Variants in LDLRAD4 observed in about 807,000 individuals in gnomAD.
LDLRAD4 encodes the protein low-density lipoprotein receptor class A domain-containing protein 4.
In LDLRAD4, 5 loss-of-function variants were observed where a neutral mutation model predicts 17.0. The ratio of observed to expected loss-of-function variants is 0.29; its 90% CI spans 0.15 to 0.62. LDLRAD4 has a LOEUF of 0.62. Ranked by LOEUF, LDLRAD4 falls within the 20% of genes least tolerant of loss-of-function variation. The pLI is 0.84. For missense variants in LDLRAD4, 340 were observed against 424.7 expected (o/e 0.80, Z 1.75); for synonymous variants, 168 against 171.8 (o/e 0.98, Z 0.17).
intron 1 of LDLRAD4, among the ~76,000 whole-genome samples, chr18:13,293,501 C>T (rs879677650): frequency 6.6e-6 from 1 of 152,178 alleles, no homozygotes; most frequent in Non-Finnish European, 1.5e-5. Flanking sequence ...ATGCAAACCC[C>T]ATACAAATGA....
intron 3 of LDLRAD4, among the ~76,000 whole-genome samples, chr18:13,518,198 G>C (rs968513556): frequency 1.4e-4 from 21 of 152,092 alleles, no homozygotes; most frequent in African/African-American, 4.8e-4. Context: ...ATGAGTTGTG[G>C]GTTAGAGCTT....
chr18:13,430,235 C>T (rs2090237211), intron 2 of LDLRAD4, among the ~76,000 whole-genome samples: 1 of 152,216 alleles, frequency 6.6e-6, no homozygotes, highest in African/African-American at 2.4e-5. Context: ...ATATGGTCCT[C>T]ATCACCCACA....
chr18:13,367,961 G>A lies in LDLRAD4; in HGVS notation c.-382-19380G>A, dbSNP rs1031301993. Among the ~76,000 whole-genome samples, 3 of 152,076 alleles carry A rather than the reference G, an allele frequency of 2.0e-5. No homozygotes were observed. The highest frequency in any genetic ancestry group is 6.5e-5 in the Admixed American group (1 of 15,278). On this transcript the variant is annotated intron_variant, in intron 1 of 5. Transcript: ENST00000359446. This position sits in a 1 kb window ranked among gnomAD's most constrained non-coding sequence, Gnocchi z 4.1. Reference sequence around the variant, plus strand: ...TGCTTGAGCCTGAGAAGTCGAGGCTGCAGTGAGCCATGACGGCACCACTGC... The same window carrying A: ...TGCTTGAGCCTGAGAAGTCGAGGCTACAGTGAGCCATGACGGCACCACTGC...
chr18:13,336,912 T>G (rs910233554), intron 1 of LDLRAD4, among the ~76,000 whole-genome samples: 3 of 152,320 alleles, frequency 2.0e-5, no homozygotes, highest in East Asian at 1.9e-4. Context: ...CGTCTATTAG[T>G]AAGTTTTATG....
chr18:13,467,799 A>C (rs113844872), intron 3 of LDLRAD4, among the ~76,000 whole-genome samples: 1 of 152,220 alleles, frequency 6.6e-6, no homozygotes, highest in African/African-American at 2.4e-5. Flanking sequence ...GCATAGACCT[A>C]TGAAGAGAAC....
chr18:13,521,666 C>T (rs1365971382), intron 3 of LDLRAD4: 1 of 152,012 alleles, frequency 6.6e-6, no homozygotes, highest in Non-Finnish European at 1.5e-5. Context: ...GTCACGGGGT[C>T]TGTTCCATGA....
In LDLRAD4 at chr18:13,626,153, C is replaced by T. The variant is rs186636639; in HGVS notation, c.336+4882C>T. On this transcript the variant is annotated intron_variant, in intron 4 of 5. Coordinates refer to ENST00000359446, the Ensembl canonical transcript of LDLRAD4. ...CTTACATCATAGCAGATAGCAGCGG[C>T]GGGTCCGGATCTGCATCCTTGTGCA... Among the ~76,000 whole-genome samples the T allele has an allele frequency of 6.8e-4, 104 of 152,214 alleles. 1 individual carries two copies. In the East Asian group the frequency reaches 0.014, roughly 20 times the overall value.
chr18:13,556,333 G>A (rs2094483250), intron 3 of LDLRAD4, among the ~76,000 whole-genome samples: 1 of 152,202 alleles, frequency 6.6e-6, no homozygotes, highest in Admixed American at 6.5e-5. Context: ...CTTCTGAGTT[G>A]ACAGAAATTG....
At chr18:13,293,271 C>T (rs2046073167) in intron 1 of LDLRAD4, among the ~76,000 whole-genome samples, 2 of 152,168 alleles carry the variant, frequency 1.3e-5, no homozygotes, top group Non-Finnish European at 2.9e-5. Flanking sequence ...AGACAATATT[C>T]CAGGTTGCTG....
At chr18:13,446,784 G>C (rs1484186417) in intron 3 of LDLRAD4, among the ~76,000 whole-genome samples, 1 of 152,354 alleles carries the variant, frequency 6.6e-6, no homozygotes, top group East Asian at 1.9e-4. Context: ...CCAAGAGCCC[G>C]CCTCAGCCAC....
chr18:13,551,707 G>A (rs1156472244), intron 3 of LDLRAD4, among the ~76,000 whole-genome samples: 1 of 152,282 alleles, frequency 6.6e-6, no homozygotes, highest in Non-Finnish European at 1.5e-5. Context: ...GAAACCAGTT[G>A]CAGACATGGG....
At position 13,571,020 on chromosome 18, in the gene LDLRAD4, A is replaced by T. The variant is rs544472168; in HGVS notation, c.182-50097A>T. Among the ~76,000 whole-genome samples, 7 of 152,056 alleles carry T rather than the reference A, an allele frequency of 4.6e-5. No homozygotes were observed. The East Asian group carries it at 1.4e-3, about 29-fold the overall frequency. On this transcript the variant is annotated intron_variant, in intron 3 of 5. Coordinates refer to ENST00000359446, the Ensembl canonical transcript of LDLRAD4. ...GTTTTTGTGGAGATGGGGTCTTGCT[A>T]TGTTGCCCAGGCTGGCCTCAAACTC...
exon 6 of LDLRAD4, chr18:13,649,646 G>C (rs1441646874): frequency 6.4e-6 from 1 of 156,594 alleles, no homozygotes; most frequent in Non-Finnish European, 1.4e-5. Flanking sequence ...TCGGGGGCTT[G>C]CTGCACTGCT....
At chr18:13,494,760 T>TCATCC (rs2093431719) in intron 3 of LDLRAD4, among the ~76,000 whole-genome samples, 12 of 147,356 alleles carry the variant, frequency 8.1e-5, no homozygotes, top group African/African-American at 3.0e-4. Flanking sequence ...TTAAGGAAGT[T>TCATCC]TGGGTGCCCC....
intron 3 of LDLRAD4, among the ~76,000 whole-genome samples, chr18:13,449,419 G>GGA (rs537554862): frequency 4.0e-4 from 61 of 152,366 alleles, no homozygotes; most frequent in African/African-American, 1.3e-3. Flanking sequence ...GCCTGGAAGG[G>GGA]GAGCCTTGTG....
At chr18:13,462,877 C>T (rs529615312) in intron 3 of LDLRAD4, among the ~76,000 whole-genome samples, 13 of 152,250 alleles carry the variant, frequency 8.5e-5, no homozygotes, top group Admixed American at 2.6e-4. Flanking sequence ...GGCCTAGACT[C>T]GGTGAGGATA....
At chr18:13,553,603 T>C (rs1399630556) in intron 3 of LDLRAD4, among the ~76,000 whole-genome samples, 1 of 152,058 alleles carries the variant, frequency 6.6e-6, no homozygotes, top group African/African-American at 2.4e-5. Context: ...GAACAGGGAG[T>C]GATTCCCATT....
At chr18:13,567,039 G>A (rs1187290896) in intron 3 of LDLRAD4, among the ~76,000 whole-genome samples, 1 of 152,186 alleles carries the variant, frequency 6.6e-6, no homozygotes, top group African/African-American at 2.4e-5. Context: ...GAACCAAGCC[G>A]CGCCTGGCCC....
At chr18:13,522,366 A>G (rs2093965738) in intron 3 of LDLRAD4, 1 of 152,034 alleles carries the variant, frequency 6.6e-6, no homozygotes, top group Admixed American at 6.6e-5. Flanking sequence ...TGTTTTTTTA[A>G]TATTTGTGTA....
Sources: gnomAD v4.1 joint callset for allele counts (sites outside exome capture counted in the v4.1 genomes callset) on GRCh38, gnomAD v4.1.1 for gene constraint, Gnocchi (gnomAD v3.1) non-coding constraint, MANE v1.5 for transcripts, NCBI Gene and HGNC (gene_info 2026-07-23, HGNC 2026-07-21) for gene names.